ZNF883: variants seen among roughly 807,000 people sequenced by gnomAD.
The protein encoded by ZNF883 is zinc finger protein 883.
intron 2 of ZNF883, among the ~76,000 whole-genome samples, 152 bp downstream of exon 2, chr9:113,010,984 CAAAAA>C (rs35069505): frequency 1.4e-4 from 16 of 117,984 alleles, no homozygotes; most frequent in South Asian, 2.7e-4. Context: ...GACCTTGTCT[CAAAAA>C]AAAAAAAAAA....
At chr9:113,006,537 T>C (rs559417030) in intron 2 of ZNF883, among the ~76,000 whole-genome samples, 2 of 152,272 alleles carry the variant, frequency 1.3e-5, no homozygotes, top group East Asian at 3.9e-4. Context: ...AGACCCCACT[T>C]GGCCTCCCGG....
chr9:112,999,222 A>G (rs572711431), upstream of ZNF883: 2 of 152,358 alleles, frequency 1.3e-5, no homozygotes, highest in East Asian at 3.9e-4. Flanking sequence ...AAGTTTTTCA[A>G]TATAAGTGCT....
intron 1 of ZNF883, among the ~76,000 whole-genome samples, chr9:112,991,695 CTG>C (rs1446438154): frequency 6.6e-6 from 1 of 152,128 alleles, no homozygotes; most frequent in Non-Finnish European, 1.5e-5. Flanking sequence ...AAGTCTCCCA[CTG>C]TTATTGTGTG....
chr9:112,997,703 C>T (rs1187417629), exon 1 of ZNF883: 1 of 1,613,286 alleles, frequency 6.2e-7, no homozygotes, highest in African/African-American at 1.3e-5. Context: ...AACTTTCCGA[C>T]ATTGCTTACA....
At chr9:112,993,432 A>T (rs1312683468), downstream of ZNF883, among the ~76,000 whole-genome samples, 1 of 152,064 alleles carries the variant, frequency 6.6e-6, no homozygotes, top group Non-Finnish European at 1.5e-5. Context: ...TTCCTCTGGG[A>T]TTTCTGTCTC....
At chr9:112,989,428 T>C (rs182101430) in intron 1 of ZNF883, among the ~76,000 whole-genome samples, 25 of 152,320 alleles carry the variant, frequency 1.6e-4, no homozygotes, top group African/African-American at 5.5e-4. Context: ...GGTCAGATGG[T>C]TCCAGATGTG....
chr9:113,004,146 C>T (rs1281452357), intron 2 of ZNF883, among the ~76,000 whole-genome samples: 1 of 152,242 alleles, frequency 6.6e-6, no homozygotes, highest in Non-Finnish European at 1.5e-5. Flanking sequence ...CAGAGTTACG[C>T]AGCTGAAAGC....
At chr9:112,988,546 A>C (rs1024112546) in intron 1 of ZNF883, among the ~76,000 whole-genome samples, 6 of 151,982 alleles carry the variant, frequency 3.9e-5, no homozygotes, top group Non-Finnish European at 8.8e-5. Context: ...TTCTTTATCC[A>C]GTCTATCGTT....
intron 2 of ZNF883, among the ~76,000 whole-genome samples, chr9:113,006,919 G>T (rs941815813): frequency 7.2e-5 from 11 of 152,106 alleles, no homozygotes; most frequent in Non-Finnish European, 1.6e-4. Context: ...ATCTTGGCTG[G>T]GCACAGTGGC....
intron 2 of ZNF883, among the ~76,000 whole-genome samples, chr9:113,008,968 TG>T (rs1051579474): frequency 6.6e-6 from 1 of 152,010 alleles, no homozygotes; most frequent in Non-Finnish European, 1.5e-5. Flanking sequence ...ATTGGAAGTT[TG>T]GGGTGGATGA....
chr9:112,996,995 G>C (rs1828364686), downstream of ZNF883: 2 of 845,834 alleles, frequency 2.4e-6, no homozygotes, highest in East Asian at 5.4e-5. Context: ...AGTACAAATA[G>C]CATATTAAGT....
intron 2 of ZNF883, among the ~76,000 whole-genome samples, chr9:113,009,379 C>A (rs1175323019): frequency 6.6e-6 from 1 of 152,150 alleles, no homozygotes; most frequent in Non-Finnish European, 1.5e-5. Flanking sequence ...TCTCTGGCCA[C>A]GTGGCCTTCC....
intron 2 of ZNF883, among the ~76,000 whole-genome samples, chr9:113,005,528 GA>G (rs34656849): frequency 6.6e-6 from 1 of 152,108 alleles, no homozygotes; most frequent in African/African-American, 2.4e-5. Context: ...TAAGTATTGG[GA>G]AAATGGCTGC....
chr9:112,993,082 C>T (rs1828316946), downstream of ZNF883, among the ~76,000 whole-genome samples: 1 of 152,212 alleles, frequency 6.6e-6, no homozygotes, highest in Non-Finnish European at 1.5e-5. Flanking sequence ...TTCATCCATC[C>T]TCAGCCTCTG....
At chr9:113,011,760 TCTAC>T (rs1275958338) in intron 1 of ZNF883, among the ~76,000 whole-genome samples, 1 of 152,140 alleles carries the variant, frequency 6.6e-6, no homozygotes, top group Non-Finnish European at 1.5e-5. Flanking sequence ...AATTCCCAGG[TCTAC>T]CTACCACCAA....
chr9:113,008,400 G>GT (rs1828499284), intron 2 of ZNF883, among the ~76,000 whole-genome samples: 1 of 151,562 alleles, frequency 6.6e-6, no homozygotes, highest in Non-Finnish European at 1.5e-5. Context: ...GGTGCATAGA[G>GT]TAACAGGAAG....
At chr9:113,008,529 T>C (rs935952748) in intron 2 of ZNF883, among the ~76,000 whole-genome samples, 2 of 152,312 alleles carry the variant, frequency 1.3e-5, no homozygotes, top group South Asian at 2.1e-4. Context: ...AGAAACATTA[T>C]GTATTTGTGG....
intron 2 of ZNF883, among the ~76,000 whole-genome samples, chr9:113,009,514 CT>C (rs72131069): frequency 1.6e-3 from 230 of 144,854 alleles, no homozygotes; most frequent in South Asian, 3.3e-3. Flanking sequence ...GCTCATATTC[CT>C]TTTTTTTTTT....
chr9:112,998,082 G>A (rs368121860), exon 1 of ZNF883: 12 of 1,613,810 alleles, frequency 7.4e-6, no homozygotes, highest in African/African-American at 2.7e-5. Flanking sequence ...TGTATTCTTT[G>A]ATGTTGAACA....
Sources: gnomAD v4.1 joint callset for allele counts (sites outside exome capture counted in the v4.1 genomes callset) on GRCh38, gnomAD v4.1.1 for gene constraint, MANE v1.5 for transcripts, NCBI Gene and HGNC (gene_info 2026-07-23, HGNC 2026-07-21) for gene names.